Variants in MPDZ observed in about 807,000 individuals in gnomAD.
MPDZ encodes the protein multiple PDZ domain crumbs cell polarity complex component.
MPDZ carries 234 observed loss-of-function variants against 239.1 expected under a neutral mutation model. The observed-to-expected ratio is 0.98, with a 90% CI of 0.88 to 1.09. MPDZ has a LOEUF of 1.09. Among genes scored for constraint, MPDZ ranks in the 50% least tolerant of loss-of-function variants. MPDZ has a pLI of 0.00. For missense variants in MPDZ, 3,175 were observed against 2,510.0 expected (o/e 1.26, Z -5.66); for synonymous variants, 1,048 against 881.3 (o/e 1.19, Z -3.35).
chr9:13,109,277 A>T (rs1165465234), intron 45 of MPDZ, among the ~76,000 whole-genome samples: 1 of 152,024 alleles, frequency 6.6e-6, no homozygotes, highest in African/African-American at 2.4e-5. Context: ...TTAACACCCT[A>T]ATTCTATTAC....
chr9:13,201,064 T>A (rs1321675083), intron 12 of MPDZ, among the ~76,000 whole-genome samples: 2 of 152,076 alleles, frequency 1.3e-5, no homozygotes, highest in Admixed American at 1.3e-4. Context: ...AGGTTTATTT[T>A]TTTTAATATA....
At chr9:13,205,412 CCT>C (rs1329569954) in intron 11 of MPDZ, among the ~76,000 whole-genome samples, 4 of 152,066 alleles carry the variant, frequency 2.6e-5, no homozygotes. Context: ...CCAATAAACC[CCT>C]GAGCTACACA....
Position 13,106,014 on chromosome 9 carries a change from G to A in MPDZ, c.*951C>T, listed in dbSNP as rs956879814. 3.9e-5 allele frequency: 6 copies of A among 152,006 alleles called. No individual in the cohort carries two copies. The highest frequency in any genetic ancestry group is 2.0e-4 in the Admixed American group (3 of 15,246). 9.4% of individuals were successfully genotyped at this position (152,006 alleles called of 1,614,324 possible). ...TAATTTTTCTATCAATTTACTAATG[G>A]CATACAACCAAAATAATTAGTAACA... On this transcript the variant is annotated 3_prime_UTR_variant, in exon 47 of 47. Transcript: ENST00000319217.
intron 1 of MPDZ, among the ~76,000 whole-genome samples, chr9:13,271,576 T>G (rs779227196): frequency 1.5e-4 from 23 of 152,212 alleles, no homozygotes; most frequent in Non-Finnish European, 3.1e-4. Flanking sequence ...TTTGGGTCTC[T>G]TCTTTTCTGC....
At chr9:13,125,073 T>C (rs1586983709) in intron 35 of MPDZ, 143 bp downstream of exon 35, 2 of 621,278 alleles carry the variant, frequency 3.2e-6, no homozygotes, top group Non-Finnish European at 5.2e-6. Context: ...CCTCTCTTTA[T>C]ATCCTGCCCT....
chr9:13,192,428 G>A (rs1015896778), intron 14 of MPDZ, 133 bp from the exon 15 acceptor site: 2 of 716,756 alleles, frequency 2.8e-6, no homozygotes, highest in East Asian at 2.8e-5. Flanking sequence ...ACTATAGTGA[G>A]ACCTGTGGAA....
intron 26 of MPDZ, 54 bp from the exon 27 acceptor site, chr9:13,143,618 T>C: frequency 6.9e-7 from 1 of 1,458,400 alleles, no homozygotes; most frequent in Non-Finnish European, 9.6e-7. Flanking sequence ...TGAAAACAAC[T>C]CAGTTTTAAA....
intron 46 of MPDZ, among the ~76,000 whole-genome samples, chr9:13,108,553 T>C (rs1941874537): frequency 6.6e-6 from 1 of 152,108 alleles, no homozygotes; most frequent in Admixed American, 6.6e-5. Context: ...CTATTTTATA[T>C]TTCACAACAA....
chr9:13,247,686 G>T lies in MPDZ; in HGVS notation c.132C>A (p.Leu44=). The T allele has an allele frequency of 6.2e-7, 1 of 1,613,580 alleles. No individual in the cohort carries two copies. Among genetic ancestry groups the T allele is most frequent in the Non-Finnish European group, 8.5e-7 (1 of 1,179,628 alleles). ...SLLKSVLQSP[L]FSQILSLQTS... ...TCTGAAGGCTCAGAATCTGACTGAA[G>T]AGAGGGCTCTGCAGGACTGACTTCA... The change falls in exon 3 of 47, where the codon CTC becomes CTA. Residue 44 remains leucine (L), a synonymous_variant. Coordinates refer to ENST00000319217, the MANE Select transcript of MPDZ (RefSeq NM_001378778.1).
chr9:13,111,819 A>G (rs1021809404), intron 43 of MPDZ, among the ~76,000 whole-genome samples: 1 of 152,212 alleles, frequency 6.6e-6, no homozygotes, highest in African/African-American at 2.4e-5. Context: ...AAATCTTCCT[A>G]TTTAACTGCA....
intron 3 of MPDZ, among the ~76,000 whole-genome samples, chr9:13,243,490 A>G (rs1186831855): frequency 6.6e-6 from 1 of 151,980 alleles, no homozygotes; most frequent in Non-Finnish European, 1.5e-5. Context: ...TTACATTTGA[A>G]TCATTCATTA....
intron 22 of MPDZ, among the ~76,000 whole-genome samples, chr9:13,167,380 T>C (rs1201124002): frequency 6.6e-6 from 1 of 152,102 alleles, no homozygotes; most frequent in Non-Finnish European, 1.5e-5. Flanking sequence ...AAAATAATAC[T>C]TTTTATATAA....
intron 1 of MPDZ, among the ~76,000 whole-genome samples, chr9:13,274,010 G>A (rs1011655531): frequency 6.6e-6 from 1 of 152,070 alleles, no homozygotes; most frequent in Non-Finnish European, 1.5e-5. Context: ...TTGATCAACA[G>A]CTGCTCTATC....
intron 3 of MPDZ, among the ~76,000 whole-genome samples, chr9:13,231,117 C>T (rs897699088): frequency 2.6e-5 from 4 of 151,818 alleles, no homozygotes; most frequent in African/African-American, 9.7e-5. Context: ...AAACCTCTAA[C>T]AATACTGATT....
intron 37 of MPDZ, 57 bp downstream of exon 37, chr9:13,122,030 T>TC (rs1232472676): frequency 1.2e-6 from 2 of 1,602,190 alleles, no homozygotes; most frequent in Non-Finnish European, 1.7e-6. Flanking sequence ...AAAGAAACAC[T>TC]CCCCCCAGGA....
At chr9:13,199,808 T>TC (rs1956161803) in intron 12 of MPDZ, among the ~76,000 whole-genome samples, 1 of 152,114 alleles carries the variant, frequency 6.6e-6, no homozygotes, top group Non-Finnish European at 1.5e-5. Context: ...TTGGGATGAA[T>TC]CAAACTTGAT....
At chr9:13,129,012 C>A (rs1337449840) in intron 32 of MPDZ, among the ~76,000 whole-genome samples, 1 of 152,174 alleles carries the variant, frequency 6.6e-6, no homozygotes, top group Non-Finnish European at 1.5e-5. Context: ...TTGATGAAAC[C>A]TGATGGAATT....
chr9:13,178,375 G>C, intron 19 of MPDZ, among the ~76,000 whole-genome samples: 1 of 152,050 alleles, frequency 6.6e-6, no homozygotes, highest in East Asian at 1.9e-4. Context: ...GATTAGTTTG[G>C]CAATCTGATT....
intron 40 of MPDZ, 62 bp downstream of exon 40, chr9:13,115,186 C>G: frequency 7.1e-7 from 1 of 1,408,436 alleles, no homozygotes; most frequent in South Asian, 1.2e-5. Context: ...ACAGTCAGGG[C>G]CATCTATGTG....
Sources: allele counts gnomAD v4.1 joint callset (sites outside exome capture counted in the v4.1 genomes callset), GRCh38; gene constraint gnomAD v4.1.1; transcripts MANE v1.5; gene names NCBI Gene and HGNC (gene_info 2026-07-23, HGNC 2026-07-21).